WIF1: variants seen among roughly 807,000 people sequenced by gnomAD.
The protein encoded by WIF1 is Wnt inhibitory factor 1.
Under a neutral mutation model 53.5 loss-of-function variants are expected in WIF1, and 35 were observed. The observed-to-expected ratio is 0.65, with a 90% CI of 0.50 to 0.87. The LOEUF (loss-of-function observed/expected upper bound fraction) is 0.87. WIF1 is among the 40% of genes least tolerant of loss of function. The pLI is 0.00. For synonymous variants in WIF1, 171 were observed against 170.4 expected, an observed-to-expected ratio of 1.00 and a Z score of -0.03; for missense variants, 467 against 476.8, an observed-to-expected ratio of 0.98 and a Z score of 0.19.
intron 6 of WIF1, among the ~76,000 whole-genome samples, chr12:65,064,450 G>T (rs1361045161): frequency 6.6e-6 from 1 of 152,174 alleles, no homozygotes; most frequent in Non-Finnish European, 1.5e-5. Flanking sequence ...TGTCCCAAGG[G>T]CCAATGAAAG....
chr12:65,056,181 AATTAC>A (rs746143968), intron 7 of WIF1, 55 bp from the exon 8 acceptor site: 161 of 1,529,824 alleles, frequency 1.1e-4, no homozygotes, highest in Non-Finnish European at 1.4e-4. Context: ...ATTCAGAGGT[AATTAC>A]ATTTTTCAAA....
chr12:65,089,458 AT>A (rs1211843145), intron 2 of WIF1, among the ~76,000 whole-genome samples: 10 of 151,810 alleles, frequency 6.6e-5, no homozygotes, highest in Admixed American at 6.6e-4. Flanking sequence ...CCATCATCCA[AT>A]TTTTCTTCTT....
At chr12:65,054,715 G>A (rs1882497476) in intron 9 of WIF1, among the ~76,000 whole-genome samples, 1 of 152,148 alleles carries the variant, frequency 6.6e-6, no homozygotes. Context: ...TATAAAATCA[G>A]AGGTAAGGAG....
In WIF1 at chr12:65,121,275, G is replaced by A; in HGVS notation, c.-84C>T. 7.5e-7 allele frequency: 1 copy of A among 1,337,932 alleles called. No homozygotes were observed. The highest frequency in any genetic ancestry group is 9.6e-7 in the Non-Finnish European group (1 of 1,039,376). The allele number at this position is 1,337,932 out of a possible 1,614,324, so 82.9% of individuals were successfully genotyped here. ...GCGCCGTCAGATACTCTGCTGCGCT[G>A]CAGCTCCCTCAGCCAGGGCTGTTCC... On this transcript the variant is annotated 5_prime_UTR_variant, in exon 1 of 10. Transcript: ENST00000286574.
Position 65,121,069 on chromosome 12 carries a change from A to C in WIF1, c.123T>G (p.Asp41Glu). 1 of 1,540,188 alleles carries C rather than the reference A, an allele frequency of 6.5e-7. No homozygotes were observed. The highest frequency in any genetic ancestry group is 8.8e-7 in the Non-Finnish European group (1 of 1,140,796). Residue 41 changes from aspartate to glutamate, a missense_variant, in exon 1 of 10, where the codon GAT becomes GAG. Coordinates refer to ENST00000286574, the MANE Select transcript of WIF1 (RefSeq NM_007191.5). Reference sequence around the variant, plus strand: ...CTATGAGTACTCTTGCCTGGTGAGCATCGATCCATAGGTACAGGCTCTCCT... The same window carrying C: ...CTATGAGTACTCTTGCCTGGTGAGCCTCGATCCATAGGTACAGGCTCTCCT... ...PQEESLYLWI[D>E]AHQARVLIGF...
At chr12:65,118,083 A>G (rs1458859170) in intron 2 of WIF1, among the ~76,000 whole-genome samples, 1 of 152,238 alleles carries the variant, frequency 6.6e-6, no homozygotes, top group Non-Finnish European at 1.5e-5. Flanking sequence ...GGTTATTTTA[A>G]TGTTGTCCAC....
intron 2 of WIF1, among the ~76,000 whole-genome samples, chr12:65,079,625 C>CA (rs56249618): frequency 0.029 from 1,972 of 66,884 alleles, 39 homozygotes; most frequent in East Asian, 0.062. Flanking sequence ...GACTCTGTCT[C>CA]AAAAAAAAAA....
chr12:65,097,061 G>A (rs529842378), intron 2 of WIF1, among the ~76,000 whole-genome samples: 36 of 149,710 alleles, frequency 2.4e-4, no homozygotes, highest in African/African-American at 7.8e-4. Context: ...AAAAAAACTC[G>A]ATGTATCCAA....
At chr12:65,106,069 T>C (rs1027658889) in intron 2 of WIF1, among the ~76,000 whole-genome samples, 1 of 152,112 alleles carries the variant, frequency 6.6e-6, no homozygotes, top group Non-Finnish European at 1.5e-5. Flanking sequence ...AGTGGCACCA[T>C]GGGTCAGGAT....
chr12:65,053,145 C>G (rs753079552), intron 9 of WIF1, among the ~76,000 whole-genome samples: 51 of 152,290 alleles, frequency 3.3e-4, no homozygotes, highest in Non-Finnish European at 6.0e-4. Context: ...CAAAGAAGAT[C>G]TCCTTATCAG....
intron 2 of WIF1, among the ~76,000 whole-genome samples, chr12:65,094,893 CTCT>C (rs1354122443): frequency 6.7e-6 from 1 of 149,794 alleles, no homozygotes; most frequent in East Asian, 2.0e-4. Flanking sequence ...CTCCTCCTTC[CTCT>C]TCTTCTTATT....
At chr12:65,096,409 T>G (rs536006985) in intron 2 of WIF1, among the ~76,000 whole-genome samples, 6 of 152,262 alleles carry the variant, frequency 3.9e-5, no homozygotes, top group Admixed American at 3.9e-4. Flanking sequence ...GCTTTTACAC[T>G]GTTGGTGGGA....
intron 2 of WIF1, among the ~76,000 whole-genome samples, chr12:65,111,915 A>C (rs1228600535): frequency 6.6e-6 from 1 of 152,206 alleles, no homozygotes; most frequent in East Asian, 1.9e-4. Context: ...AATGGGTTTC[A>C]AGAGATGCCT....
intron 9 of WIF1, among the ~76,000 whole-genome samples, chr12:65,053,900 T>C (rs115464920): frequency 0.015 from 2,310 of 151,592 alleles, 63 homozygotes; most frequent in African/African-American, 0.052. Flanking sequence ...TAAAAACTAG[T>C]ATATTCTTTT....
At chr12:65,083,585 C>T (rs1330068675) in intron 2 of WIF1, among the ~76,000 whole-genome samples, 2 of 152,062 alleles carry the variant, frequency 1.3e-5, no homozygotes, top group Non-Finnish European at 2.9e-5. Flanking sequence ...CAGATTGAAC[C>T]ATTTCCCTGT....
intron 2 of WIF1, among the ~76,000 whole-genome samples, chr12:65,101,287 A>T (rs1438699984): frequency 2.0e-5 from 3 of 152,224 alleles, no homozygotes; most frequent in African/African-American, 4.8e-5. Flanking sequence ...TAAATCTCAG[A>T]GTCAGTTTCT....
At chr12:65,087,684 A>G (rs1020595169) in intron 2 of WIF1, among the ~76,000 whole-genome samples, 11 of 152,152 alleles carry the variant, frequency 7.2e-5, no homozygotes, top group African/African-American at 2.4e-4. Flanking sequence ...GAAAAAATGC[A>G]TTAGATACTT....
At chr12:65,072,979 G>C (rs1211784105) in intron 3 of WIF1, among the ~76,000 whole-genome samples, 2 of 152,142 alleles carry the variant, frequency 1.3e-5, no homozygotes, top group African/African-American at 4.8e-5. Flanking sequence ...ATATGCAATT[G>C]ATTGCACATC....
At chr12:65,095,754 C>T (rs546545090) in intron 2 of WIF1, 7 of 152,236 alleles carry the variant, frequency 4.6e-5, no homozygotes, top group Admixed American at 1.3e-4. Context: ...AGATCGTGCT[C>T]ACTTCGGCAG....
Sources: gnomAD v4.1 joint callset for allele counts (sites outside exome capture counted in the v4.1 genomes callset) on GRCh38, gnomAD v4.1.1 for gene constraint, MANE v1.5 for transcripts, NCBI Gene and HGNC (gene_info 2026-07-23, HGNC 2026-07-21) for gene names.